IGSF9: variants seen among roughly 807,000 people sequenced by gnomAD.
IGSF9 encodes protein turtle homolog A.
Under a neutral mutation model 121.7 loss-of-function variants are expected in IGSF9, and 87 were observed. The observed-to-expected ratio is 0.71, with a 90% CI of 0.60 to 0.85. The LOEUF is 0.85. Ranked by LOEUF, IGSF9 falls within the 40% of genes least tolerant of loss-of-function variation. The pLI, the probability that IGSF9 is intolerant of heterozygous loss-of-function variation, is 0.00. For missense variants in IGSF9, 1,462 were observed against 1,565.3 expected (o/e 0.93, Z 1.11); for synonymous variants, 640 against 648.4 (o/e 0.99, Z 0.20).
intron 15 of IGSF9, 88 bp from the exon 16 acceptor site, chr1:159,930,063 G>A: frequency 7.1e-6 from 11 of 1,551,764 alleles, no homozygotes; most frequent in South Asian, 1.2e-5. Context: ...CACGTGGGAC[G>A]GAAGGGTGAG....
intron 20 of IGSF9, 48 bp downstream of exon 20, chr1:159,927,712 G>A: frequency 1.3e-6 from 2 of 1,599,642 alleles, no homozygotes; most frequent in South Asian, 2.2e-5. Context: ...GCGGGGGGAT[G>A]TGGGACAGTA....
At position 159,943,520 on chromosome 1, in the gene IGSF9, T is replaced by G; in HGVS notation, c.-66A>C. On this transcript the variant is annotated 5_prime_UTR_variant, in exon 2 of 21. Coordinates refer to ENST00000368094, the MANE Select transcript of IGSF9 (RefSeq NM_001135050.2). ...GAGCCCAGATGGAGGGGCCAAGGGA[T>G]GTCCTTCTGATCAGCTCAGGGAACA... 7.0e-7 allele frequency: 1 copy of G among 1,433,558 alleles called. No homozygotes were observed. Among genetic ancestry groups the G allele is most frequent in the Non-Finnish European group, 9.3e-7 (1 of 1,074,036 alleles). 88.8% of individuals were successfully genotyped at this position (1,433,558 alleles called of 1,614,324 possible).
chr1:159,928,222 T>C lies in IGSF9; in HGVS notation c.3166A>G (p.Ser1056Gly). The C allele has an allele frequency of 6.2e-7, 1 of 1,613,048 alleles. No individual in the cohort carries two copies. The highest frequency in any genetic ancestry group is 8.5e-7 in the Non-Finnish European group (1 of 1,179,900). Reference sequence around the variant, plus strand: ...CTCTCAGGGCCACTGGCCCAGCTGCTGGTGTCTCCTGGAGCAGGGCTGAGG... The same window carrying C: ...CTCTCAGGGCCACTGGCCCAGCTGCCGGTGTCTCCTGGAGCAGGGCTGAGG... ...SYLSPAPGDT[S>G]SWASGPERWP... Residue 1056 changes from serine to glycine, a missense_variant, in exon 19 of 21, where the codon AGC becomes GGC. Around this residue, in one of 3 missense-constraint regions of IGSF9, gnomAD observed 808 missense variants for 815.2 expected, o/e 0.99. Coordinates refer to ENST00000368094, the MANE Select transcript of IGSF9 (RefSeq NM_001135050.2).
chr1:159,927,589 T>C (rs1395290270), intron 20 of IGSF9, 63 bp from the exon 21 acceptor site: 4 of 1,572,196 alleles, frequency 2.5e-6, no homozygotes, highest in Non-Finnish European at 3.5e-6. Context: ...AGAGCTCAGA[T>C]GTGAAGCTCG....
chr1:159,929,522 G>T, intron 17 of IGSF9, 116 bp downstream of exon 17: 2 of 1,477,364 alleles, frequency 1.4e-6, no homozygotes, highest in Non-Finnish European at 1.8e-6. Context: ...CCAGATGCAG[G>T]ACTAAGAGAA....
rs1201642147 is a variant in IGSF9, at chr1:159,943,408, T to A, written c.47A>T (p.Gln16Leu). ...GLAVLSLVIS[Q>L]GADGRGKPEV... ...AGAGCTCAGCTTACCGTCAGCCCCC[T>A]GGCTGATGACCAGGCTGAGGACGGC... The change falls in exon 2 of 21, where the codon CAG becomes CTG. Residue 16 changes from glutamine (Q) to leucine (L), a missense_variant. Gln to Leu is a moderately radical substitution (Grantham distance 113). Transcript: ENST00000368094. The A allele has an allele frequency of 1.3e-6, 2 of 1,588,832 alleles. No homozygotes were observed. The highest frequency in any genetic ancestry group is 2.7e-5 in the African/African-American group (2 of 74,730).
chr1:159,930,022 G>C, intron 15 of IGSF9, 47 bp from the exon 16 acceptor site: 2 of 1,579,820 alleles, frequency 1.3e-6, no homozygotes, highest in South Asian at 2.2e-5. Context: ...GCCCAGCACC[G>C]CCCAACCCAG....
chr1:159,934,126 C>T, intron 9 of IGSF9, 64 bp downstream of exon 9: 5 of 1,546,648 alleles, frequency 3.2e-6, no homozygotes, highest in Non-Finnish European at 2.6e-6. Context: ...GCTAACTCCA[C>T]CCTGCTGTCC....
chr1:159,936,415 G>A lies in IGSF9; in HGVS notation c.657C>T (p.Thr219=). 1 of 1,613,944 alleles carries A rather than the reference G, an allele frequency of 6.2e-7. No homozygotes were observed. The highest frequency in any genetic ancestry group is 8.5e-7 in the Non-Finnish European group (1 of 1,179,892). The change falls in exon 6 of 21, where the codon ACC becomes ACT. Residue 219 remains threonine (T), a synonymous_variant. Coordinates refer to ENST00000368094, the MANE Select transcript of IGSF9 (RefSeq NM_001135050.2). ...SSTEGSATHA[T]QLLVLGPPVI... is the part of the protein sequence containing the mutation. ...AGAGAGCACCTAGCACTAGCAGCTG[G>A]GTGGCGTGGGTGGCGCTGCCCTCAG...
chr1:159,929,968 A>G lies in IGSF9; in HGVS notation c.2072T>C (p.Leu691Pro), dbSNP rs1395473337. ...LLVPGLIKDVLYEFRLVAFAG... is the reference protein window; with the variant it reads ...LLVPGLIKDVPYEFRLVAFAG... ...GAAGGCCACGAGGCGGAACTCGTAG[A>G]GAACATCCTGCGATGGGGATGGGGT... Residue 691 changes from leucine (L) to proline (P), a missense_variant, in exon 16 of 21, where the codon CTC (leucine) becomes CCC (proline). This residue lies in a region of IGSF9 where 808 missense variants were observed against 815.2 expected (regional missense o/e 0.99). Transcript: ENST00000368094. The G allele has an allele frequency of 7.5e-6, 12 of 1,590,376 alleles. No homozygotes were observed. Among genetic ancestry groups the G allele is most frequent in the Non-Finnish European group, 1.0e-5 (12 of 1,169,452 alleles).
Position 159,931,923 on chromosome 1 carries a change from G to A in IGSF9, c.1251C>T (p.Pro417=). The change falls in exon 11 of 21, where the codon CCC becomes CCT. Residue 417 remains proline (P), a synonymous_variant. Transcript: ENST00000368094. The surrounding 1 kb of genome is among the most constrained non-coding windows in gnomAD (Gnocchi z 4.8). The stretch of plus-strand genomic sequence containing the variant: ...CCTTGGGCCGCTCTATAAAAGCTGG[G>A]GGAGCCTGCAAGCCAGATCTGGCAT... ...SPVTRVLLKA[P]PAFIERPKEE... The A allele has an allele frequency of 6.3e-7, 1 of 1,588,258 alleles. No individual in the cohort carries two copies. Among genetic ancestry groups the A allele is most frequent in the Non-Finnish European group, 8.5e-7 (1 of 1,171,568 alleles).
At position 159,942,921 on chromosome 1, in the gene IGSF9, T is replaced by C. The variant is rs111828625; in HGVS notation, c.247+42A>G. 191 of 1,577,524 alleles carry C rather than the reference T, an allele frequency of 1.2e-4. 1 individual carries two copies. The African/African-American group carries it at 1.9e-3, about 16-fold the overall frequency. The stretch of plus-strand genomic sequence containing the variant: ...TGCGACTCTACCCAGCCCACCTTTC[T>C]TGCTGATACCTCCCTACCTCCCACC... On this transcript the variant is annotated intron_variant, in intron 3 of 20. Coordinates refer to ENST00000368094, the MANE Select transcript of IGSF9 (RefSeq NM_001135050.2).
At chr1:159,930,970 T>A (rs1037441401) in intron 13 of IGSF9, 103 bp from the exon 14 acceptor site, 1 of 1,433,114 alleles carries the variant, frequency 7.0e-7, no homozygotes, top group Non-Finnish European at 9.4e-7. Flanking sequence ...CCATCCAAGG[T>A]CTCAGGACCT....
rs764520585 is a variant in IGSF9 at position 159,934,201 on chromosome 1, G to T, written c.1093C>A (p.Gln365Lys). ...VSWTKDGKAL[Q>K]LDKFPGWSQG... is the part of the protein sequence containing the mutation. ...CCCCAAGCCTGTACCTTGTCCAGCT[G>T]CAGGGCCTTTCCATCCTTGGTCCAG... Residue 365 changes from glutamine to lysine, a missense_variant, in exon 9 of 21, where the codon CAG becomes AAG. By Grantham distance (53) the Gln-to-Lys change is moderately conservative (BLOSUM62 1). Coordinates refer to ENST00000368094, the MANE Select transcript of IGSF9 (RefSeq NM_001135050.2). The T allele has an allele frequency of 2.4e-5, 38 of 1,613,170 alleles. No individual in the cohort carries two copies. The highest frequency in any genetic ancestry group is 3.0e-5 in the Non-Finnish European group (35 of 1,179,690).
rs562947228 is a variant in IGSF9 at position 159,939,572 on chromosome 1, T to G, written c.248-1734A>C. Among the ~76,000 whole-genome samples the G allele has an allele frequency of 5.3e-5, 8 of 152,270 alleles. No homozygotes were observed. The South Asian group carries it at 1.7e-3, about 32-fold the overall frequency. The stretch of plus-strand genomic sequence containing the variant: ...TTTGCAAATGCAGCTCCAAGTCCCT[T>G]TGCATAGTGTCCACTCCAGCTCTTC... On this transcript the variant is annotated intron_variant, in intron 3 of 20. Coordinates refer to ENST00000368094, the MANE Select transcript of IGSF9 (RefSeq NM_001135050.2).
Position 159,927,750 on chromosome 1 carries a change from G to A in IGSF9, c.3358+10C>T, listed in dbSNP as rs1247515737. 3 of 1,610,648 alleles carry A rather than the reference G, an allele frequency of 1.9e-6. No homozygotes were observed. The highest frequency in any genetic ancestry group is 1.7e-6 in the Non-Finnish European group (2 of 1,178,836). ...GCCGAGATGCCTGCCTTTCCGGGGG[G>A]CTCACACACCTAGCTCTGGCTCAGC... On this transcript the variant is annotated intron_variant, in intron 20 of 20. Transcript: ENST00000368094.
In IGSF9 at chr1:159,932,969, C is replaced by T. The variant is rs1469595640; in HGVS notation, c.1105-317G>A. On this transcript the variant is annotated intron_variant, in intron 9 of 20. Coordinates refer to ENST00000368094, the MANE Select transcript of IGSF9 (RefSeq NM_001135050.2). This position sits in a 1 kb window ranked among gnomAD's most constrained non-coding sequence, Gnocchi z 4.1. ...GCTGGGACTTCACCTGGCTCTCTTC[C>T]CAGCACTCCACAACTAAGTTCAGAG... 1.6e-5 allele frequency: 4 copies of T among 254,986 alleles called. No homozygotes were observed. The highest frequency in any genetic ancestry group is 2.2e-5 in the Non-Finnish European group (3 of 133,476). The allele number at this position is 254,986 out of a possible 1,614,324, so 15.8% of individuals were successfully genotyped here.
At chr1:159,929,141 G>A in intron 18 of IGSF9, 123 bp from the exon 19 acceptor site, 1 of 1,390,202 alleles carries the variant, frequency 7.2e-7, no homozygotes, top group African/African-American at 1.4e-5. Flanking sequence ...GCGAGGAAAG[G>A]ACCAACAAGG....
In IGSF9 at chr1:159,929,405, T is replaced by A; in HGVS notation, c.2327-12A>T. 5.0e-6 allele frequency: 8 copies of A among 1,612,842 alleles called. No individual in the cohort carries two copies. The highest frequency in any genetic ancestry group is 5.9e-6 in the Non-Finnish European group (7 of 1,179,120). The stretch of plus-strand genomic sequence containing the variant: ...GATAAGAGGTGGATCTGGAAGGGCA[T>A]GAGAATAGTAGGTGACACAGGCAAA... On this transcript the variant is annotated splice_polypyrimidine_tract_variant and intron_variant, in intron 17 of 20. Transcript: ENST00000368094.
Sources: gnomAD v4.1 joint callset for allele counts (sites outside exome capture counted in the v4.1 genomes callset) on GRCh38, gnomAD v4.1.1 for gene constraint, gnomAD v4.1.1 regional missense constraint, Gnocchi (gnomAD v3.1) non-coding constraint, MANE v1.5 for transcripts, NCBI Gene and HGNC (gene_info 2026-07-23, HGNC 2026-07-21) for gene names.